ENTPD7: variants seen among roughly 807,000 people sequenced by gnomAD.
The protein encoded by ENTPD7 is ectonucleoside triphosphate diphosphohydrolase 7.
Under a neutral mutation model 77.9 loss-of-function variants are expected in ENTPD7, and 53 were observed. The observed-to-expected ratio is 0.68, with a 90% CI of 0.55 to 0.85. The LOEUF (loss-of-function observed/expected upper bound fraction) is 0.85. ENTPD7 is among the 40% of genes least tolerant of loss of function. The pLI, the probability that ENTPD7 is intolerant of heterozygous loss-of-function variation, is 0.00. For missense variants in ENTPD7, 636 were observed against 743.7 expected (o/e 0.86, Z 1.68); for synonymous variants, 248 against 274.9 (o/e 0.90, Z 0.97).
chr10:99,689,169 A>G (rs910788847), intron 7 of ENTPD7, among the ~76,000 whole-genome samples: 4 of 152,176 alleles, frequency 2.6e-5, no homozygotes, highest in African/African-American at 9.7e-5. Context: ...TATATCCATA[A>G]TGCCATTTTT....
chr10:99,693,705 G>A (rs2035920345), intron 8 of ENTPD7, among the ~76,000 whole-genome samples: 1 of 152,206 alleles, frequency 6.6e-6, no homozygotes, highest in African/African-American at 2.4e-5. Flanking sequence ...ATCACCTGAG[G>A]TCAGGAGTTT....
At chr10:99,673,559 T>C (rs865895718) in intron 3 of ENTPD7, among the ~76,000 whole-genome samples, 1 of 152,218 alleles carries the variant, frequency 6.6e-6, no homozygotes, top group Admixed American at 6.5e-5. Context: ...ACTGCATAAA[T>C]GCCATTTAGG....
intron 3 of ENTPD7, among the ~76,000 whole-genome samples, chr10:99,670,223 A>G (rs1469963105): frequency 1.3e-5 from 2 of 152,194 alleles, no homozygotes; most frequent in Non-Finnish European, 2.9e-5. Flanking sequence ...ACTACCCACA[A>G]GTGGCTAATT....
In ENTPD7 at chr10:99,691,378, A is replaced by G. The variant is rs771181785; in HGVS notation, c.710-7A>G. ...CTAGGGCCTTTTTGTTCTCTTATTTATTTCAGAATCAGATGCTGAGGCTAC... is the reference window on the plus strand; with the variant it reads ...CTAGGGCCTTTTTGTTCTCTTATTTGTTTCAGAATCAGATGCTGAGGCTAC... On this transcript the variant is annotated splice_region_variant and splice_polypyrimidine_tract_variant and intron_variant, in intron 7 of 12. Coordinates refer to ENST00000370489, the MANE Select transcript of ENTPD7 (RefSeq NM_020354.5). 66 of 1,610,096 alleles carry G rather than the reference A, an allele frequency of 4.1e-5. No individual in the cohort carries two copies. Among genetic ancestry groups the G allele is most frequent in the Non-Finnish European group, 5.0e-5 (59 of 1,178,814 alleles).
Position 99,709,097 on chromosome 10 carries a change from A to T in ENTPD7, c.*4414A>T. ...TAAATTTTATACATCTTTTTAAAAC[A>T]ATTTTATACAATTTCCTTTACTACA... On this transcript the variant is annotated 3_prime_UTR_variant, in exon 13 of 13. Transcript: ENST00000370489. 2.0e-6 allele frequency: 2 copies of T among 981,656 alleles called. No individual in the cohort carries two copies. The highest frequency in any genetic ancestry group is 2.4e-6 in the Non-Finnish European group (2 of 826,518). The allele number at this position is 981,656 out of a possible 1,614,324, so 60.8% of individuals were successfully genotyped here.
Position 99,710,564 on chromosome 10 carries a change from A to G in ENTPD7, c.*5881A>G, listed in dbSNP as rs2036350126. ...AATTTTGTTGAATTTTGAATTCTTA[A>G]AATTCTCACTGACAAACATTTTAGG... On this transcript the variant is annotated 3_prime_UTR_variant, in exon 13 of 13. Transcript: ENST00000370489. 1 of 985,294 alleles carries G rather than the reference A, an allele frequency of 1.0e-6. No individual in the cohort carries two copies. Among genetic ancestry groups the G allele is most frequent in the African/African-American group, 1.7e-5 (1 of 57,230 alleles). 61.0% of individuals were successfully genotyped at this position (985,294 alleles called of 1,614,324 possible). A position where few individuals can be genotyped will look rare whatever the true frequency, so the allele number is the denominator to read the frequency against.
chr10:99,679,387 T>C lies in ENTPD7; in HGVS notation c.318T>C (p.Asn106=). The C allele has an allele frequency of 1.9e-6, 3 of 1,614,114 alleles. No homozygotes were observed. The highest frequency in any genetic ancestry group is 2.5e-6 in the Non-Finnish European group (3 of 1,180,032). The change falls in exon 4 of 13, where the codon AAT becomes AAC. Residue 106 remains asparagine, a synonymous_variant. Transcript: ENST00000370489. ...RIFVYFWPRH[N]GNPHDLLDIK... is the part of the protein sequence containing the mutation. ...TTGTTTATTTCTGGCCAAGACATAA[T>C]GGGAACCCCCATGACTTGCTGGACA... is the stretch of plus-strand genomic sequence containing the variant.
At chr10:99,689,624 GA>G (rs1195196792) in intron 7 of ENTPD7, among the ~76,000 whole-genome samples, 1 of 152,170 alleles carries the variant, frequency 6.6e-6, no homozygotes, top group African/African-American at 2.4e-5. Context: ...CTCACATCAG[GA>G]GTTTTGTAAT....
chr10:99,667,984 G>T (rs935573469), intron 3 of ENTPD7, among the ~76,000 whole-genome samples: 2 of 132,982 alleles, frequency 1.5e-5, no homozygotes, highest in Admixed American at 1.7e-4. Context: ...GCCCAGGCTG[G>T]AGTGCAGTGG....
At position 99,709,672 on chromosome 10, in the gene ENTPD7, T is replaced by A. The variant is rs2036324012; in HGVS notation, c.*4989T>A. On this transcript the variant is annotated 3_prime_UTR_variant, in exon 13 of 13. Transcript: ENST00000370489. ...AAAGCTGTGGCACCCTGTTTGGGTG[T>A]CCCATCTACCCTGTTTTCTGTTTCT... The A allele has an allele frequency of 1.0e-6, 1 of 985,308 alleles. No individual in the cohort carries two copies. The highest frequency in any genetic ancestry group is 1.2e-6 in the Non-Finnish European group (1 of 829,930). 61.0% of individuals were successfully genotyped at this position (985,308 alleles called of 1,614,324 possible). A position where few individuals can be genotyped will look rare whatever the true frequency, so the allele number is the denominator to read the frequency against.
chr10:99,683,385 CAG>C (rs2035776221), intron 5 of ENTPD7, among the ~76,000 whole-genome samples: 1 of 152,116 alleles, frequency 6.6e-6, no homozygotes, highest in Non-Finnish European at 1.5e-5. Flanking sequence ...CCTGGACTAA[CAG>C]AATTTTTTCT....
Position 99,710,146 on chromosome 10 carries a change from T to A in ENTPD7, c.*5463T>A. On this transcript the variant is annotated 3_prime_UTR_variant, in exon 13 of 13. Transcript: ENST00000370489. ...ACCCTCTGGTGGCCACTCCTCCTTCTCCACTCCAAGGCAGCCCTGGTACTT... is the reference window on the plus strand; with the variant it reads ...ACCCTCTGGTGGCCACTCCTCCTTCACCACTCCAAGGCAGCCCTGGTACTT... The A allele has an allele frequency of 1.0e-6, 1 of 985,300 alleles. No individual in the cohort carries two copies. Among genetic ancestry groups the A allele is most frequent in the Non-Finnish European group, 1.2e-6 (1 of 829,900 alleles). The allele number at this position is 985,300 out of a possible 1,614,324, so 61.0% of individuals were successfully genotyped here. A position where few individuals can be genotyped will look rare whatever the true frequency, so the allele number is the denominator to read the frequency against.
chr10:99,679,347 G>A lies in ENTPD7; in HGVS notation c.278G>A (p.Ser93Asn). ...NYGLVVDCGS[S>N]GSRIFVYFWP... is the part of the protein sequence containing the mutation. Reference sequence around the variant, plus strand: ...GGACTTGTTGTTGACTGTGGCAGCAGTGGTTCCCGGATTTTTGTTTATTTC... The same window carrying A: ...GGACTTGTTGTTGACTGTGGCAGCAATGGTTCCCGGATTTTTGTTTATTTC... The change falls in exon 4 of 13, where the codon AGT (serine) becomes AAT (asparagine). Residue 93 changes from serine (S) to asparagine (N), a missense_variant. This residue lies in a region of ENTPD7 where 486 missense variants were observed against 556.5 expected (regional missense o/e 0.87). Transcript: ENST00000370489. 1 of 1,614,166 alleles carries A rather than the reference G, an allele frequency of 6.2e-7. No individual in the cohort carries two copies. Among genetic ancestry groups the A allele is most frequent in the Non-Finnish European group, 8.5e-7 (1 of 1,180,040 alleles).
At chr10:99,684,881 T>A (rs183880502) in intron 5 of ENTPD7, among the ~76,000 whole-genome samples, 125 of 152,344 alleles carry the variant, frequency 8.2e-4, no homozygotes, top group Non-Finnish European at 1.7e-3. Flanking sequence ...CTCTGGATTT[T>A]GATCCTGATC....
chr10:99,698,699 C>G lies in ENTPD7; in HGVS notation c.1176C>G (p.Arg392=). ...CAATGCTGAGCCCCCTGCTGGCTCG[C>G]TCCAACACCAGCCAGGCCTCACTCA... ...CGAMLSPLLA[R]SNTSQASLNG... Residue 392 remains arginine (R), a synonymous_variant, in exon 10 of 13, where the codon CGC becomes CGG. Transcript: ENST00000370489. 6 of 1,614,152 alleles carry G rather than the reference C, an allele frequency of 3.7e-6. No homozygotes were observed. Among genetic ancestry groups the G allele is most frequent in the Non-Finnish European group, 5.1e-6 (6 of 1,180,034 alleles).
chr10:99,702,471 C>A (rs1243711088), intron 11 of ENTPD7, 41 bp from the exon 12 acceptor site: 3 of 1,487,884 alleles, frequency 2.0e-6, no homozygotes, highest in African/African-American at 1.4e-5. Context: ...TATTAGAATT[C>A]TTTTCTCTTT....
At position 99,685,802 on chromosome 10, in the gene ENTPD7, G is replaced by C; in HGVS notation, c.559G>C (p.Ala187Pro). 6.2e-7 allele frequency: 1 copy of C among 1,613,454 alleles called. No individual in the cohort carries two copies. Residue 187 changes from alanine (A) to proline (P), a missense_variant, in exon 6 of 13, where the codon GCT (alanine) becomes CCT (proline). Physicochemically the swap from Ala to Pro is conservative, Grantham distance 27. This residue lies in a region of ENTPD7 where 486 missense variants were observed against 556.5 expected (regional missense o/e 0.87). Transcript: ENST00000370489. Reference protein sequence around the residue: ...MRLLPERKQLAILADLVKDLP... With the variant: ...MRLLPERKQLPILADLVKDLP... The stretch of plus-strand genomic sequence containing the variant: ...TGTTCTTTCTTGCAGGAAGCAGTTG[G>C]CTATCTTGGCTGACCTAGTGAAAGA...
At chr10:99,702,799 C>A (rs2036167613) in intron 12 of ENTPD7, 126 bp downstream of exon 12, 7 of 824,398 alleles carry the variant, frequency 8.5e-6, no homozygotes, top group Middle Eastern at 3.9e-4. Context: ...TCCTCTCTAC[C>A]CCCTCACAAA....
chr10:99,687,013 G>A (rs1330741658), intron 6 of ENTPD7, among the ~76,000 whole-genome samples: 1 of 149,970 alleles, frequency 6.7e-6, no homozygotes, highest in South Asian at 2.1e-4. Context: ...CACCTCCTGG[G>A]TTCAAGCGAT....
Sources: allele counts gnomAD v4.1 joint callset (sites outside exome capture counted in the v4.1 genomes callset), GRCh38; gene constraint gnomAD v4.1.1; regional missense constraint gnomAD v4.1.1; transcripts MANE v1.5; gene names NCBI Gene and HGNC (gene_info 2026-07-23, HGNC 2026-07-21).